CDH13: variants seen among roughly 807,000 people sequenced by gnomAD.
CDH13 encodes cadherin 13.
CDH13 carries 24 observed loss-of-function variants against 63.8 expected under a neutral mutation model. The observed-to-expected ratio is 0.38, with a 90% CI of 0.27 to 0.53. The LOEUF is 0.53. Among genes scored for constraint, CDH13 ranks in the 20% least tolerant of loss-of-function variants. The pLI, the probability that CDH13 is intolerant of heterozygous loss-of-function variation, is 0.85. For synonymous variants in CDH13, 503 were observed against 355.3 expected, an observed-to-expected ratio of 1.42 and a Z score of -4.67; for missense variants, 1,049 against 903.1, an observed-to-expected ratio of 1.16 and a Z score of -2.07.
intron 7 of CDH13, among the ~76,000 whole-genome samples, chr16:83,503,099 G>A (rs1201812712): frequency 6.6e-6 from 1 of 152,220 alleles, no homozygotes; most frequent in African/African-American, 2.4e-5. Flanking sequence ...GTACCTTGTA[G>A]GTGCTCAATA....
At chr16:82,916,699 A>C (rs2042003454) in intron 2 of CDH13, among the ~76,000 whole-genome samples, 1 of 152,306 alleles carries the variant, frequency 6.6e-6, no homozygotes, top group African/African-American at 2.4e-5. Flanking sequence ...AATAATTTTT[A>C]TGTTTGTTAA....
intron 8 of CDH13, among the ~76,000 whole-genome samples, chr16:83,608,628 G>A (rs922840847): frequency 6.6e-6 from 1 of 151,710 alleles, no homozygotes; most frequent in African/African-American, 2.4e-5. Context: ...TGGGACTTCA[G>A]GCATACACCA....
At chr16:82,792,045 G>A (rs561868430) in intron 1 of CDH13, among the ~76,000 whole-genome samples, 62 of 152,286 alleles carry the variant, frequency 4.1e-4, no homozygotes, top group African/African-American at 1.4e-3. Flanking sequence ...TTTGGCACCC[G>A]CTGCTGTCCC....
intron 6 of CDH13, among the ~76,000 whole-genome samples, chr16:83,385,916 T>C (rs912840146): frequency 6.6e-6 from 1 of 152,154 alleles, no homozygotes; most frequent in African/African-American, 2.4e-5. Context: ...CTACTTTGGG[T>C]GGTTATCACA....
At chr16:83,691,703 G>C (rs973027006) in intron 10 of CDH13, among the ~76,000 whole-genome samples, 2 of 152,090 alleles carry the variant, frequency 1.3e-5, no homozygotes. Context: ...CCCCAGGGTA[G>C]AGTGTACATT....
At chr16:82,789,016 C>G (rs1280736648) in intron 1 of CDH13, among the ~76,000 whole-genome samples, 1 of 152,200 alleles carries the variant, frequency 6.6e-6, no homozygotes, top group African/African-American at 2.4e-5. Flanking sequence ...GGACTCACCT[C>G]TGGGTTGCAA....
chr16:82,818,119 T>TGTGC (rs1555523735), intron 1 of CDH13, among the ~76,000 whole-genome samples: 5 of 150,954 alleles, frequency 3.3e-5, no homozygotes, highest in Admixed American at 6.6e-5. Flanking sequence ...TATGGTTGTG[T>TGTGC]GTGTGTGTGT....
intron 5 of CDH13, among the ~76,000 whole-genome samples, chr16:83,248,525 G>C (rs953333192): frequency 6.6e-6 from 1 of 152,134 alleles, no homozygotes; most frequent in African/African-American, 2.4e-5. Flanking sequence ...GGGTCATCAG[G>C]TAGTTAGTAG....
At position 82,757,862 on chromosome 16, in the gene CDH13, G is replaced by T. The variant is rs2034676771; in HGVS notation, c.46-100500G>T. 2.6e-5 allele frequency among the ~76,000 whole-genome samples: 4 copies of T among 152,068 alleles called. No individual in the cohort carries two copies. The South Asian group carries it at 8.3e-4, about 32-fold the overall frequency. ...GACAGAGTTTCACCACGTTACACAA[G>T]ATGGTCTCGATTTCTTGACCTCGTG... On this transcript the variant is annotated intron_variant, in intron 1 of 13. Coordinates refer to ENST00000567109, the MANE Select transcript of CDH13 (RefSeq NM_001257.5).
intron 1 of CDH13, among the ~76,000 whole-genome samples, chr16:82,776,070 G>C (rs2061630): frequency 0.73 from 111,515 of 152,030 alleles, 42,798 homozygotes; most frequent in East Asian, 1. Context: ...ATTAGCTGAG[G>C]ACAGTGGTGC....
At chr16:83,711,905 G>T (rs1339867185) in intron 10 of CDH13, among the ~76,000 whole-genome samples, 5 of 152,218 alleles carry the variant, frequency 3.3e-5, no homozygotes, top group African/African-American at 1.2e-4. Flanking sequence ...AGCTTAAGTA[G>T]CAGAAATTTA....
chr16:83,743,748 C>CTTTTTTTGTTTTTTTTTTTTTTTTTTTT (rs1912283241), intron 10 of CDH13, among the ~76,000 whole-genome samples: 1 of 76,258 alleles, frequency 1.3e-5, no homozygotes, highest in Non-Finnish European at 2.2e-5. Flanking sequence ...TTTCTTTTTT[C>CTTTTTTTGTTTTTTTTTTTTTTTTTTTT]TTTTTTTTTT....
At chr16:83,315,042 C>T (rs2090077749) in intron 5 of CDH13, among the ~76,000 whole-genome samples, 1 of 152,156 alleles carries the variant, frequency 6.6e-6, no homozygotes, top group Non-Finnish European at 1.5e-5. Flanking sequence ...TATTCAACTA[C>T]AAAAGGGTCA....
At chr16:83,187,593 T>G (rs2038565001) in intron 4 of CDH13, among the ~76,000 whole-genome samples, 1 of 151,980 alleles carries the variant, frequency 6.6e-6, no homozygotes, top group African/African-American at 2.4e-5. Context: ...GAGAAGCTGT[T>G]TGCAACCCGC....
intron 4 of CDH13, among the ~76,000 whole-genome samples, chr16:83,147,388 A>G (rs935216125): frequency 6.6e-6 from 1 of 151,912 alleles, no homozygotes; most frequent in Non-Finnish European, 1.5e-5. Flanking sequence ...TGCATCTCCT[A>G]TCTGTGACTT....
intron 6 of CDH13, among the ~76,000 whole-genome samples, chr16:83,472,968 A>G (rs1482886646): frequency 6.6e-6 from 1 of 152,152 alleles, no homozygotes; most frequent in East Asian, 1.9e-4. Flanking sequence ...GTGGAGAGAA[A>G]TGAATCCTGC....
intron 7 of CDH13, among the ~76,000 whole-genome samples, chr16:83,511,182 C>T (rs566679003): frequency 2.6e-5 from 4 of 152,322 alleles, no homozygotes; most frequent in East Asian, 1.9e-4. Context: ...TGGTTCGTGG[C>T]CGGGTGCGGT....
chr16:83,706,302 C>T (rs2150916306), intron 10 of CDH13, among the ~76,000 whole-genome samples: 1 of 152,274 alleles, frequency 6.6e-6, no homozygotes, highest in Non-Finnish European at 1.5e-5. Flanking sequence ...TATGATCCAG[C>T]CTCAGAAATC....
rs774494168 is a variant in CDH13, at chr16:83,486,481, C to T, written c.786C>T (p.Thr262=). 6.2e-7 allele frequency: 1 copy of T among 1,612,604 alleles called. No homozygotes were observed. The highest frequency in any genetic ancestry group is 1.1e-5 in the South Asian group (1 of 90,994). The change falls in exon 7 of 14, where the codon ACC becomes ACT. Residue 262 remains threonine (T), a synonymous_variant. Coordinates refer to ENST00000567109, the MANE Select transcript of CDH13 (RefSeq NM_001257.5). The part of the protein sequence containing the change: ...GHVMEGSPTG[T]TVMRMTAFDA... ...CTTTCTGTCTTGCCCCGGTAGGCAC[C>T]ACAGTGATGCGGATGACAGCCTTTG... is the stretch of plus-strand genomic sequence containing the variant.
Sources: gnomAD v4.1 joint callset for allele counts (sites outside exome capture counted in the v4.1 genomes callset) on GRCh38, gnomAD v4.1.1 for gene constraint, MANE v1.5 for transcripts, NCBI Gene and HGNC (gene_info 2026-07-23, HGNC 2026-07-21) for gene names.